STK32A: variants seen among roughly 807,000 people sequenced by gnomAD.
The protein encoded by STK32A is serine/threonine kinase 32A, also known as serine/threonine-protein kinase 32A.
In STK32A, 41 loss-of-function variants were observed where a neutral mutation model predicts 53.2. The observed-to-expected ratio is 0.77, with a 90% CI of 0.60 to 1.00. The LOEUF (loss-of-function observed/expected upper bound fraction) is 1.00, where lower values mean the gene tolerates loss of function less well. Among genes scored for constraint, STK32A ranks in the 50% least tolerant of loss-of-function variants. The pLI is 0.00. For missense variants in STK32A, 458 were observed against 485.8 expected, an observed-to-expected ratio of 0.94 and a Z score of 0.54; for synonymous variants, 166 against 162.8, an observed-to-expected ratio of 1.02 and a Z score of -0.15.
At chr5:147,302,286 T>C (rs771446870) in intron 4 of STK32A, among the ~76,000 whole-genome samples, 1 of 152,188 alleles carries the variant, frequency 6.6e-6, no homozygotes, top group African/African-American at 2.4e-5. Context: ...GTTATCAACA[T>C]AAAGTAATCA....
At chr5:147,312,118 G>A (rs1753729253) in intron 4 of STK32A, among the ~76,000 whole-genome samples, 1 of 151,506 alleles carries the variant, frequency 6.6e-6, no homozygotes, top group Non-Finnish European at 1.5e-5. Context: ...TTATTTATTT[G>A]AGATGGGGTT....
the STK32A span, among the ~76,000 whole-genome samples, chr5:147,394,555 G>A: frequency 3.3e-5 from 5 of 152,258 alleles, no homozygotes; most frequent in South Asian, 8.3e-4. Flanking sequence ...AGATCCCACA[G>A]TGCAAAGCAG....
rs952768975 is a variant in STK32A at position 147,252,277 on chromosome 5, T to C, written c.52+12591T>C. 2.0e-5 allele frequency among the ~76,000 whole-genome samples: 3 copies of C among 152,212 alleles called. No individual in the cohort carries two copies. The East Asian group carries it at 5.8e-4, about 29-fold the overall frequency. On this transcript the variant is annotated intron_variant, in intron 2 of 12. Transcript: ENST00000397936. ...ATAATTTTTATTTATTTTTATAAAA[T>C]ATTGAAGTTTTTGCCACTTTGATAA...
intron 5 of STK32A, among the ~76,000 whole-genome samples, chr5:147,342,311 T>C (rs569921890): frequency 6.6e-6 from 1 of 152,254 alleles, no homozygotes; most frequent in East Asian, 1.9e-4. Flanking sequence ...TGATAAACTG[T>C]GATAAATGTT....
intron 5 of STK32A, among the ~76,000 whole-genome samples, chr5:147,326,500 C>T (rs1026877311): frequency 5.3e-5 from 8 of 152,290 alleles, no homozygotes; most frequent in Non-Finnish European, 1.2e-4. Flanking sequence ...CCCTTTTGTA[C>T]CTCTCCTGAG....
chr5:147,278,064 T>G, intron 2 of STK32A, 60 bp from the exon 3 acceptor site: 3 of 1,373,592 alleles, frequency 2.2e-6, no homozygotes, highest in Non-Finnish European at 3.0e-6. Context: ...CTTTATTATT[T>G]ATTAGCTACT....
the STK32A span, chr5:147,393,871 G>A: frequency 1.4e-6 from 1 of 711,260 alleles, no homozygotes; most frequent in Non-Finnish European, 2.4e-6. Flanking sequence ...TATTCGTAAA[G>A]CTAGGCAAGC....
intron 2 of STK32A, among the ~76,000 whole-genome samples, chr5:147,273,102 G>A (rs1472970566): frequency 2.0e-5 from 3 of 152,304 alleles, no homozygotes; most frequent in East Asian, 3.9e-4. Flanking sequence ...GCATCAGGGT[G>A]TTATAACAGA....
At chr5:147,394,151 G>GA in the STK32A span, 39,731 of 1,338,530 alleles carry the variant, frequency 0.03, 927 homozygotes, top group East Asian at 0.2. Flanking sequence ...TTCCCAGGGG[G>GA]AAAAAAAAAA....
intron 4 of STK32A, among the ~76,000 whole-genome samples, chr5:147,288,033 G>T (rs374888831): frequency 6.6e-6 from 1 of 152,012 alleles, no homozygotes; most frequent in Non-Finnish European, 1.5e-5. Flanking sequence ...TGCTAATTTG[G>T]TGTCATTCCA....
intron 4 of STK32A, among the ~76,000 whole-genome samples, chr5:147,305,366 T>C (rs1753353953): frequency 6.6e-6 from 1 of 152,160 alleles, no homozygotes; most frequent in Admixed American, 6.5e-5. Context: ...GAACTTCCCC[T>C]GGCTCCACCC....
intron 4 of STK32A, among the ~76,000 whole-genome samples, chr5:147,296,454 C>T (rs779477585): frequency 5.9e-5 from 9 of 151,274 alleles, no homozygotes; most frequent in East Asian, 3.9e-4. Context: ...AGCAGCCTGC[C>T]GGCACTTGGG....
At chr5:147,396,454 C>A in the STK32A span, among the ~76,000 whole-genome samples, 1 of 152,198 alleles carries the variant, frequency 6.6e-6, no homozygotes, top group Non-Finnish European at 1.5e-5. Flanking sequence ...CGGCACACAA[C>A]CTCCACCCAT....
At chr5:147,267,806 G>T (rs997153677) in intron 2 of STK32A, among the ~76,000 whole-genome samples, 1 of 152,118 alleles carries the variant, frequency 6.6e-6, no homozygotes, top group Admixed American at 6.6e-5. Flanking sequence ...CACTTTAAAT[G>T]CATCCTCCCT....
At chr5:147,348,838 C>T in intron 6 of STK32A, 1 of 700,188 alleles carries the variant, frequency 1.4e-6, no homozygotes, top group Non-Finnish European at 2.7e-6. Context: ...AAATGCTGTG[C>T]TAAGTCTCCT....
At chr5:147,291,732 C>A (rs564253193) in intron 4 of STK32A, among the ~76,000 whole-genome samples, 1 of 152,160 alleles carries the variant, frequency 6.6e-6, no homozygotes, top group South Asian at 2.1e-4. Flanking sequence ...AAACAATGGT[C>A]AGGGCTGAAT....
At position 147,259,486 on chromosome 5, in the gene STK32A, T is replaced by C. The variant is rs182864625; in HGVS notation, c.53-18638T>C. Among the ~76,000 whole-genome samples the C allele has an allele frequency of 1.9e-3, 288 of 152,176 alleles. 6 individuals carry two copies. The East Asian group carries it at 0.034, about 18-fold the overall frequency. ...ACAACAAGGTGGTACTGGAGTGTTA[T>C]AGGGTCACCGAGAAGACCTTCGATT... On this transcript the variant is annotated intron_variant, in intron 2 of 12. Transcript: ENST00000397936.
At chr5:147,258,862 GCTAT>G (rs1754357645) in intron 2 of STK32A, among the ~76,000 whole-genome samples, 2 of 151,984 alleles carry the variant, frequency 1.3e-5, no homozygotes, top group East Asian at 3.8e-4. Flanking sequence ...ATTATTCTTT[GCTAT>G]TAATAAGACC....
Position 147,285,490 on chromosome 5 carries a change from C to T in STK32A, c.260+6092C>T, listed in dbSNP as rs186571427. 3.4e-3 allele frequency among the ~76,000 whole-genome samples: 513 copies of T among 151,366 alleles called. 2 individuals are homozygous for T. Among genetic ancestry groups the T allele is most frequent in the African/African-American group, 0.012 (477 of 41,422 alleles). ...AACTAAAGAGCTTTTGCATGGCAAACGGAAGTCAGCAAACAGCCCACAGAG... is the reference window on the plus strand; with the variant it reads ...AACTAAAGAGCTTTTGCATGGCAAATGGAAGTCAGCAAACAGCCCACAGAG... On this transcript the variant is annotated intron_variant, in intron 4 of 12. Coordinates refer to ENST00000397936, the MANE Select transcript of STK32A (RefSeq NM_001112724.2).
Sources: gnomAD v4.1 joint callset for allele counts (sites outside exome capture counted in the v4.1 genomes callset) on GRCh38, gnomAD v4.1.1 for gene constraint, MANE v1.5 for transcripts, NCBI Gene and HGNC (gene_info 2026-07-23, HGNC 2026-07-21) for gene names.